Variants in CAMK2D observed in about 807,000 individuals in gnomAD.
CAMK2D encodes calcium/calmodulin dependent protein kinase II delta, also known as calcium/calmodulin-dependent protein kinase type II subunit delta.
Under a neutral mutation model 84.0 loss-of-function variants are expected in CAMK2D, and 37 were observed. The ratio of observed to expected loss-of-function variants is 0.44; its 90% CI spans 0.34 to 0.58. The LOEUF is 0.58. CAMK2D is among the 20% of genes least tolerant of loss of function. CAMK2D has a pLI of 0.02. For missense variants in CAMK2D, 448 were observed against 652.5 expected (o/e 0.69, Z 3.41); for synonymous variants, 202 against 212.5 (o/e 0.95, Z 0.43).
At chr4:113,589,037 C>T (rs2098846830) in intron 4 of CAMK2D, among the ~76,000 whole-genome samples, 1 of 152,132 alleles carries the variant, frequency 6.6e-6, no homozygotes, top group African/African-American at 2.4e-5. Flanking sequence ...GAGGAACACT[C>T]AGGGCCAAGG....
rs576147848 is a variant in CAMK2D, at chr4:113,503,213, T to TC, written c.1045-237_1045-236insG. 63 of 711,114 alleles carry TC rather than the reference T, an allele frequency of 8.9e-5. No homozygotes were observed. In the African/African-American group the frequency reaches 9.5e-4, roughly 11 times the overall value. 44.1% of individuals were successfully genotyped at this position (711,114 alleles called of 1,614,324 possible). On this transcript the variant is annotated intron_variant, in intron 14 of 20. Coordinates refer to ENST00000511664, the MANE Select transcript of CAMK2D (RefSeq NM_001321571.2). Reference sequence around the variant, plus strand: ...AGCAGCATGCAAAAGACCTTATTCTTGATCAGCATTCAAACAAGGCTTTGA... The same window carrying TC: ...AGCAGCATGCAAAAGACCTTATTCTTCGATCAGCATTCAAACAAGGCTTTGA...
chr4:113,471,807 T>A (rs1272816576), intron 16 of CAMK2D, among the ~76,000 whole-genome samples: 1 of 151,612 alleles, frequency 6.6e-6, no homozygotes, highest in Non-Finnish European at 1.5e-5. Flanking sequence ...CCCTTTAAGG[T>A]TTCTAGTCCC....
chr4:113,569,831 AGATTAT>A (rs1334024939), intron 4 of CAMK2D, among the ~76,000 whole-genome samples: 1 of 152,194 alleles, frequency 6.6e-6, no homozygotes, highest in Non-Finnish European at 1.5e-5. Context: ...CGATTCCTTT[AGATTAT>A]AAGTATTTTA....
rs116286264 is a variant in CAMK2D, at chr4:113,467,139, T to C, written c.1136-1535A>G. 5.6e-3 allele frequency among the ~76,000 whole-genome samples: 855 copies of C among 152,350 alleles called. 8 individuals carry two copies. Among genetic ancestry groups the C allele is most frequent in the African/African-American group, 0.02 (825 of 41,576 alleles). ...CAAATTTTACTGGATTTTAAGAATA[T>C]TGCGATATTCCCTTAAAATCACTGA... On this transcript the variant is annotated intron_variant, in intron 16 of 20. Coordinates refer to ENST00000511664, the MANE Select transcript of CAMK2D (RefSeq NM_001321571.2).
chr4:113,640,567 G>T (rs1183274377), intron 3 of CAMK2D, among the ~76,000 whole-genome samples: 1 of 152,138 alleles, frequency 6.6e-6, no homozygotes, highest in Non-Finnish European at 1.5e-5. Flanking sequence ...GTATTGTAAT[G>T]GGGAAGGTAT....
chr4:113,695,446 G>A (rs1251383078), intron 2 of CAMK2D, among the ~76,000 whole-genome samples: 1 of 151,952 alleles, frequency 6.6e-6, no homozygotes, highest in Non-Finnish European at 1.5e-5. Context: ...AATTTAACAT[G>A]ACCAAACTTA....
intron 3 of CAMK2D, among the ~76,000 whole-genome samples, chr4:113,628,988 C>G (rs189142003): frequency 6.6e-6 from 1 of 151,696 alleles, no homozygotes; most frequent in Non-Finnish European, 1.5e-5. Context: ...TTTCCACCAA[C>G]GTAAATAATA....
chr4:113,454,942 A>G (rs1345548569), intron 20 of CAMK2D, among the ~76,000 whole-genome samples: 1 of 152,218 alleles, frequency 6.6e-6, no homozygotes, highest in African/African-American at 2.4e-5. Flanking sequence ...GAAACCTAGA[A>G]GTCAATTTAA....
At chr4:113,455,678 T>G in intron 20 of CAMK2D, 48 bp downstream of exon 20, 1 of 1,053,284 alleles carries the variant, frequency 9.5e-7, no homozygotes, top group African/African-American at 1.6e-5. Flanking sequence ...CATGCAGCTT[T>G]TCATTCAGCT....
At chr4:113,675,667 G>A (rs1171712607) in intron 2 of CAMK2D, among the ~76,000 whole-genome samples, 4 of 151,918 alleles carry the variant, frequency 2.6e-5, no homozygotes, top group Non-Finnish European at 5.9e-5. Context: ...AAAAACATGC[G>A]ACTACTATGT....
intron 16 of CAMK2D, among the ~76,000 whole-genome samples, chr4:113,468,009 C>T (rs1200306742): frequency 6.6e-6 from 1 of 151,472 alleles, no homozygotes; most frequent in Non-Finnish European, 1.5e-5. Context: ...GAAAACATGG[C>T]CAATTTGAAA....
intron 3 of CAMK2D, among the ~76,000 whole-genome samples, chr4:113,610,519 T>C (rs566135799): frequency 6.6e-6 from 1 of 152,344 alleles, no homozygotes; most frequent in African/African-American, 2.4e-5. Flanking sequence ...AGACTTAACA[T>C]AATCTCTGTG....
rs746780142 is a variant in CAMK2D, at chr4:113,660,498, T to A, written c.220+1215A>T. The stretch of plus-strand genomic sequence containing the variant: ...TCAACCTCCTGGGCTCAAGCAATCC[T>A]CCCACCTTAGCCTCTCTAGTACCTG... On this transcript the variant is annotated intron_variant, in intron 3 of 20. Transcript: ENST00000511664. Among the ~76,000 whole-genome samples the A allele has an allele frequency of 7.2e-5, 11 of 152,246 alleles. No individual in the cohort carries two copies. In the South Asian group the frequency reaches 1.0e-3, roughly 14 times the overall value.
chr4:113,556,380 T>C (rs887280204), intron 4 of CAMK2D, among the ~76,000 whole-genome samples: 3 of 152,230 alleles, frequency 2.0e-5, no homozygotes, highest in East Asian at 3.9e-4. Context: ...CAAAGGATCA[T>C]GCAGAAAGAC....
chr4:113,537,291 T>C (rs1254586473), intron 7 of CAMK2D, 50 bp downstream of exon 7: 1 of 933,106 alleles, frequency 1.1e-6, no homozygotes, highest in Non-Finnish European at 1.7e-6. Flanking sequence ...GGAGCCAGAA[T>C]TCAGAAGCCA....
At chr4:113,534,723 T>C (rs1182234665) in intron 7 of CAMK2D, among the ~76,000 whole-genome samples, 2 of 152,224 alleles carry the variant, frequency 1.3e-5, no homozygotes, top group East Asian at 1.9e-4. Flanking sequence ...TGAAAACTTA[T>C]TGAACATCCT....
intron 4 of CAMK2D, among the ~76,000 whole-genome samples, chr4:113,554,351 C>T (rs946802210): frequency 2.1e-4 from 32 of 151,956 alleles, no homozygotes; most frequent in African/African-American, 7.5e-4. Flanking sequence ...CTATACATGG[C>T]AATAGATTTT....
chr4:113,537,791 C>T (rs2098503550), intron 6 of CAMK2D, among the ~76,000 whole-genome samples: 1 of 152,088 alleles, frequency 6.6e-6, no homozygotes, highest in African/African-American at 2.4e-5. Flanking sequence ...ACTTAGAAGC[C>T]TAACAGAGCA....
At chr4:113,564,232 A>G (rs920833572) in intron 4 of CAMK2D, among the ~76,000 whole-genome samples, 1 of 152,102 alleles carries the variant, frequency 6.6e-6, no homozygotes, top group African/African-American at 2.4e-5. Context: ...TCAGGCCTTT[A>G]CCATGACATG....
Sources: allele counts gnomAD v4.1 joint callset (sites outside exome capture counted in the v4.1 genomes callset), GRCh38; gene constraint gnomAD v4.1.1; transcripts MANE v1.5; gene names NCBI Gene and HGNC (gene_info 2026-07-23, HGNC 2026-07-21).